EPM2A: variants seen among roughly 807,000 people sequenced by gnomAD.
EPM2A encodes the protein EPM2A glucan phosphatase, laforin, also known as laforin.
In EPM2A, 21 loss-of-function variants were observed where a neutral mutation model predicts 26.5. The ratio of observed to expected loss-of-function variants is 0.79; its 90% CI spans 0.56 to 1.14. The LOEUF (loss-of-function observed/expected upper bound fraction) is 1.14, where lower values mean the gene tolerates loss of function less well. EPM2A is among the 50% of genes most tolerant of loss of function. EPM2A has a pLI of 0.00. For missense variants in EPM2A, 458 were observed against 440.8 expected (o/e 1.04, Z -0.35); for synonymous variants, 217 against 177.6 (o/e 1.22, Z -1.76).
intron 4 of EPM2A, among the ~76,000 whole-genome samples, chr6:145,458,425 G>T (rs2114714550): frequency 6.6e-6 from 1 of 152,242 alleles, no homozygotes; most frequent in Non-Finnish European, 1.5e-5. Flanking sequence ...CAACCATTTT[G>T]GTTCTATTCC....
At chr6:145,569,012 G>A (rs1254858452) in intron 2 of EPM2A, among the ~76,000 whole-genome samples, 3 of 152,196 alleles carry the variant, frequency 2.0e-5, no homozygotes, top group African/African-American at 7.2e-5. Context: ...GGCAGCCATA[G>A]GCATGGAGTT....
upstream of EPM2A, chr6:145,735,722 T>C: frequency 4.6e-6 from 4 of 872,468 alleles, no homozygotes; most frequent in Non-Finnish European, 5.6e-6. Context: ...TAGCTGCCTC[T>C]TTGTGCCCCG....
intron 2 of EPM2A, among the ~76,000 whole-genome samples, chr6:145,554,614 A>T (rs1780702026): frequency 6.6e-6 from 1 of 152,106 alleles, no homozygotes; most frequent in Admixed American, 6.6e-5. Context: ...GAGGTCCAAT[A>T]CAAAGCAGCC....
chr6:145,580,542 A>G (rs1332929756), intron 2 of EPM2A, among the ~76,000 whole-genome samples: 1 of 151,018 alleles, frequency 6.6e-6, no homozygotes, highest in African/African-American at 2.5e-5. Context: ...TTATATTTCA[A>G]GGGTACAGGC....
At position 145,415,257 on chromosome 6, in the gene EPM2A, A is replaced by G. The variant is rs536284589; in HGVS notation, c.556-31160T>C. On this transcript the variant is annotated intron_variant, in intron 4 of 4. Coordinates refer to the EPM2A transcript ENST00000638717. Reference sequence around the variant, plus strand: ...ATATGTTAAAATGTGTGGCCTGACAATGTACGGTTTTCACCTGAGCCATAC... The same window carrying G: ...ATATGTTAAAATGTGTGGCCTGACAGTGTACGGTTTTCACCTGAGCCATAC... 3.3e-5 allele frequency among the ~76,000 whole-genome samples: 5 copies of G among 152,330 alleles called. No individual in the cohort carries two copies. In the South Asian group the frequency reaches 1.0e-3, roughly 32 times the overall value.
intron 1 of EPM2A, among the ~76,000 whole-genome samples, chr6:145,710,147 C>T (rs1054422072): frequency 4.6e-5 from 7 of 152,018 alleles, no homozygotes; most frequent in Non-Finnish European, 8.8e-5. Flanking sequence ...AGCTTCTGCA[C>T]AGCAAAAGAA....
At position 145,556,107 on chromosome 6, in the gene EPM2A, C is replaced by A. The variant is rs1376121583; in HGVS notation, c.341-53532G>T. Among the ~76,000 whole-genome samples, 3 of 152,224 alleles carry A rather than the reference C, an allele frequency of 2.0e-5. 1 individual carries two copies. In the South Asian group the frequency reaches 6.2e-4, roughly 32 times the overall value. On this transcript the variant is annotated intron_variant, in intron 2 of 3. Transcript: ENST00000450221. ...CACTCTATTAAATGAAAATAAAAAA[C>A]AACACATTTTTACACATTAGGTTTT...
intron 4 of EPM2A, among the ~76,000 whole-genome samples, chr6:145,417,416 T>G (rs1235740218): frequency 6.6e-6 from 1 of 152,180 alleles, no homozygotes; most frequent in Non-Finnish European, 1.5e-5. Flanking sequence ...TTTCTTCCAT[T>G]TTATAGCTTT....
intron 4 of EPM2A, among the ~76,000 whole-genome samples, chr6:145,479,418 A>G (rs1481287629): frequency 6.6e-6 from 1 of 151,334 alleles, no homozygotes; most frequent in Non-Finnish European, 1.5e-5. Flanking sequence ...CCCAAACAGA[A>G]ACTCTATGAC....
chr6:145,670,755 A>G (rs1380123367), intron 2 of EPM2A: 1 of 193,114 alleles, frequency 5.2e-6, no homozygotes, highest in Non-Finnish European at 9.5e-6. Context: ...ATATTTAAAT[A>G]TATTTCTCTT....
intron 3 of EPM2A, chr6:145,628,185 T>C (rs1437031730): frequency 1.2e-5 from 2 of 171,918 alleles, no homozygotes; most frequent in Non-Finnish European, 2.5e-5. Flanking sequence ...TCATTCAACA[T>C]ACACTCATTT....
Position 145,696,918 on chromosome 6 carries a change from C to T in EPM2A, c.302-10622G>A, listed in dbSNP as rs560771681. Reference sequence around the variant, plus strand: ...AAATTTTGGATACATGAGCACCAGCCTTTCTGTACATCTGTATATGTAAAC... The same window carrying T: ...AAATTTTGGATACATGAGCACCAGCTTTTCTGTACATCTGTATATGTAAAC... On this transcript the variant is annotated intron_variant, in intron 1 of 3. Transcript: ENST00000367519. 7.2e-5 allele frequency among the ~76,000 whole-genome samples: 11 copies of T among 151,870 alleles called. No individual in the cohort carries two copies. The East Asian group carries it at 1.9e-3, about 27-fold the overall frequency.
At chr6:145,590,923 A>T (rs1781265910) in intron 2 of EPM2A, among the ~76,000 whole-genome samples, 1 of 152,204 alleles carries the variant, frequency 6.6e-6, no homozygotes, top group African/African-American at 2.4e-5. Flanking sequence ...ACAGATTTTG[A>T]AATATCAAAC....
At chr6:145,463,691 G>A (rs1196928940) in intron 4 of EPM2A, among the ~76,000 whole-genome samples, 2 of 152,036 alleles carry the variant, frequency 1.3e-5, no homozygotes, top group African/African-American at 4.8e-5. Flanking sequence ...TAGGTTGAGT[G>A]TAGTTTTGTT....
chr6:145,403,625 C>T lies in EPM2A; in HGVS notation c.556-19528G>A, dbSNP rs143969643. Reference sequence around the variant, plus strand: ...TTCTTTTTATGACTGAATGGTACTTCACTGTGTATGAGTACCACATTTTCT... The same window carrying T: ...TTCTTTTTATGACTGAATGGTACTTTACTGTGTATGAGTACCACATTTTCT... On this transcript the variant is annotated intron_variant, in intron 4 of 4. Transcript: ENST00000638717. 1.6e-4 allele frequency among the ~76,000 whole-genome samples: 25 copies of T among 152,238 alleles called. No individual in the cohort carries two copies. In the East Asian group the frequency reaches 4.4e-3, roughly 27 times the overall value.
chr6:145,631,848 T>TTCTCTCTCTCTCTCTC (rs753299374), intron 3 of EPM2A: 1 of 142,836 alleles, frequency 7.0e-6, no homozygotes, highest in African/African-American at 2.7e-5. Context: ...CTTTCAGCCT[T>TTCTCTCTCTCTCTCTC]TCTCTCTCTC....
intron 4 of EPM2A, among the ~76,000 whole-genome samples, chr6:145,420,869 GA>G (rs1181124882): frequency 2.0e-5 from 3 of 152,044 alleles, no homozygotes; most frequent in Non-Finnish European, 4.4e-5. Flanking sequence ...GAGAGAGAGA[GA>G]GAGATCCTTT....
intron 2 of EPM2A, among the ~76,000 whole-genome samples, chr6:145,530,520 C>G (rs1190115230): frequency 6.6e-6 from 1 of 151,864 alleles, no homozygotes; most frequent in Non-Finnish European, 1.5e-5. Flanking sequence ...GCTTGAATTT[C>G]TACTCTGCTT....
intron 1 of EPM2A, among the ~76,000 whole-genome samples, chr6:145,724,749 G>A (rs1318870604): frequency 6.6e-6 from 1 of 151,954 alleles, no homozygotes; most frequent in Non-Finnish European, 1.5e-5. Context: ...AAAAATAATG[G>A]ACAGTATTTT....
Sources: allele counts gnomAD v4.1 joint callset (sites outside exome capture counted in the v4.1 genomes callset), GRCh38; gene constraint gnomAD v4.1.1; transcripts MANE v1.5; gene names NCBI Gene and HGNC (gene_info 2026-07-23, HGNC 2026-07-21).